The following PUDP variants were observed in gnomAD, a reference collection of about 807,000 sequenced individuals.
PUDP encodes pseudouridine-5'-phosphatase.
In PUDP, 8 loss-of-function variants were observed where a neutral mutation model predicts 9.4. The ratio of observed to expected loss-of-function variants is 0.85; its 90% CI spans 0.50 to 1.53. The LOEUF is 1.53. Among genes scored for constraint, PUDP ranks in the 40% most tolerant of loss-of-function variants. PUDP has a pLI of 0.00. For synonymous variants in PUDP, 99 were observed against 80.7 expected (o/e 1.23, Z -1.22); for missense variants, 188 against 189.7 (o/e 0.99, Z 0.05).
intron 1 of PUDP, among the ~76,000 whole-genome samples, chrX:7,128,943 AC>A (rs771501592): frequency 3.1e-3 from 345 of 111,384 alleles, no homozygotes; most frequent in South Asian, 5.4e-3. Flanking sequence ...TCCAGCCCAA[AC>A]CCCCACGATG....
intron 1 of PUDP, among the ~76,000 whole-genome samples, chrX:6,712,334 A>G (rs767738710): frequency 1.8e-5 from 2 of 111,149 alleles, no homozygotes; most frequent in African/African-American, 6.5e-5. Context: ...TATTTGTAGT[A>G]GAGACGGGTT....
At chrX:6,962,769 C>G (rs1207057880) in intron 3 of PUDP, among the ~76,000 whole-genome samples, 2 of 112,705 alleles carry the variant, frequency 1.8e-5, no homozygotes, top group African/African-American at 6.4e-5. Flanking sequence ...TAACACCATT[C>G]TGTGTGAATA....
intron 3 of PUDP, among the ~76,000 whole-genome samples, chrX:6,883,325 C>A (rs1486785625): frequency 2.7e-5 from 3 of 110,503 alleles, no homozygotes; most frequent in Non-Finnish European, 5.7e-5. Flanking sequence ...AGTTTGAGAC[C>A]AGATTGGCCA....
At chrX:7,069,543 G>A (rs752043092) in intron 3 of PUDP, among the ~76,000 whole-genome samples, 2 of 110,587 alleles carry the variant, frequency 1.8e-5, no homozygotes, top group African/African-American at 6.6e-5. Flanking sequence ...GAAGGGGGCA[G>A]GGGAGTAATG....
At chrX:7,002,674 T>C (rs1009595580) in intron 1 of PUDP, among the ~76,000 whole-genome samples, 2 of 111,349 alleles carry the variant, frequency 1.8e-5, no homozygotes, top group African/African-American at 6.6e-5. Flanking sequence ...GACTAGGTTC[T>C]GACTCACCTG....
intron 3 of PUDP, among the ~76,000 whole-genome samples, chrX:6,916,742 T>C (rs1927941099): frequency 9.0e-6 from 1 of 111,594 alleles, no homozygotes; most frequent in Non-Finnish European, 1.9e-5. Flanking sequence ...TCCATAAACC[T>C]TTTCACTAAT....
At chrX:6,954,525 A>C (rs1169186067) in intron 3 of PUDP, among the ~76,000 whole-genome samples, 1 of 111,399 alleles carries the variant, frequency 9.0e-6, no homozygotes, top group African/African-American at 3.3e-5. Context: ...GCCAACTGCA[A>C]GGTTAGAGGG....
At position 6,773,726 on chromosome X, in the gene PUDP, GT is replaced by G. The variant is rs748554515; in HGVS notation, c.*248-67261del. The stretch of plus-strand genomic sequence containing the variant: ...CCATTGTGCCATGTCAGTTACCATT[GT>G]CACGGCAACACCCAGGAGTTTCCAC... On this transcript the variant is annotated intron_variant and NMD_transcript_variant, in intron 3 of 3. Transcript: ENST00000655425. Among the ~76,000 whole-genome samples the G allele has an allele frequency of 1.9e-3, 209 of 111,299 alleles. 1 individual carries two copies. Among genetic ancestry groups the G allele is most frequent in the African/African-American group, 6.4e-3 (197 of 30,620 alleles).
At chrX:6,969,105 C>G (rs750658662) in intron 3 of PUDP, among the ~76,000 whole-genome samples, 1 of 112,615 alleles carries the variant, frequency 8.9e-6, no homozygotes, top group Non-Finnish European at 1.9e-5. Flanking sequence ...CCAAGCCTCT[C>G]TAAACCATCT....
intron 3 of PUDP, among the ~76,000 whole-genome samples, chrX:6,965,868 G>A (rs1810026514): frequency 9.0e-6 from 1 of 111,702 alleles, no homozygotes; most frequent in Admixed American, 9.5e-5. Flanking sequence ...TAGGAAACTG[G>A]TTGTAAGATG....
chrX:6,883,644 G>A lies in PUDP; in HGVS notation c.*247+93489C>T, dbSNP rs145059945. ...TAGTGACTAAATATTCTACAAGCAG[G>A]GACTTTCAGAAATGTTTTTAAATTA... On this transcript the variant is annotated intron_variant and NMD_transcript_variant, in intron 3 of 3. Transcript: ENST00000655425. Among the ~76,000 whole-genome samples the A allele has an allele frequency of 1.3e-3, 148 of 110,693 alleles. 4 individuals are homozygous for A. The East Asian group carries it at 0.028, about 21-fold the overall frequency.
intron 3 of PUDP, among the ~76,000 whole-genome samples, chrX:6,887,723 CT>C (rs1463178268): frequency 1.5e-4 from 17 of 112,132 alleles, no homozygotes. Context: ...ATAAATACAG[CT>C]TCAAAACCAT....
At chrX:7,072,302 A>C (rs60942025) in intron 3 of PUDP, among the ~76,000 whole-genome samples, 37,404 of 110,879 alleles carry the variant, frequency 0.34, 4,842 homozygotes, top group Middle Eastern at 0.46. Flanking sequence ...CTGGTATTAT[A>C]CAAAAAAAGA....
chrX:6,769,779 G>A (rs899680567), intron 3 of PUDP, among the ~76,000 whole-genome samples: 11 of 112,296 alleles, frequency 9.8e-5, no homozygotes, highest in Non-Finnish European at 2.1e-4. Context: ...GATTCTGGGT[G>A]AGCCTAGCGC....
At chrX:7,081,573 T>C (rs1039299360) in intron 2 of PUDP, among the ~76,000 whole-genome samples, 5 of 112,781 alleles carry the variant, frequency 4.4e-5, no homozygotes, top group East Asian at 2.8e-4. Context: ...AACATTCTTA[T>C]TGATGGAGAA....
intron 3 of PUDP, among the ~76,000 whole-genome samples, chrX:6,952,466 T>G (rs1928571519): frequency 8.9e-6 from 1 of 111,847 alleles, no homozygotes; most frequent in Non-Finnish European, 1.9e-5. Flanking sequence ...CCAATAATGA[T>G]CTTTTCTATT....
chrX:6,869,729 C>T (rs1927144392), intron 3 of PUDP, among the ~76,000 whole-genome samples: 1 of 110,119 alleles, frequency 9.1e-6, no homozygotes, highest in Non-Finnish European at 1.9e-5. Flanking sequence ...ATTAGCATGA[C>T]TACTATTAAA....
intron 3 of PUDP, among the ~76,000 whole-genome samples, chrX:6,826,832 G>A (rs1438408804): frequency 8.9e-6 from 1 of 111,745 alleles, no homozygotes; most frequent in African/African-American, 3.2e-5. Flanking sequence ...AAATTTCCAT[G>A]TAAAAGGAAA....
intron 3 of PUDP, among the ~76,000 whole-genome samples, chrX:6,782,430 C>T (rs1925579294): frequency 2.7e-5 from 3 of 110,936 alleles, no homozygotes; most frequent in Non-Finnish European, 5.7e-5. Flanking sequence ...ATTAGCTGGG[C>T]GTGGTGGCAG....
Sources: gnomAD v4.1 joint callset for allele counts (sites outside exome capture counted in the v4.1 genomes callset) on GRCh38, gnomAD v4.1.1 for gene constraint, MANE v1.5 for transcripts, NCBI Gene and HGNC (gene_info 2026-07-23, HGNC 2026-07-21) for gene names.